LPCAT3: variants seen among roughly 807,000 people sequenced by gnomAD.
The protein encoded by LPCAT3 is lysophosphatidylcholine acyltransferase 3.
Under a neutral mutation model 63.4 loss-of-function variants are expected in LPCAT3, and 21 were observed. That is an observed-to-expected ratio of 0.33 (90% CI 0.23 to 0.48). LPCAT3 has a LOEUF of 0.48. LPCAT3 is among the 20% of genes least tolerant of loss of function. The pLI, the probability that LPCAT3 is intolerant of heterozygous loss-of-function variation, is 0.99. For synonymous variants in LPCAT3, 242 were observed against 227.5 expected (o/e 1.06, Z -0.58); for missense variants, 451 against 590.6 (o/e 0.76, Z 2.45).
intron 1 of LPCAT3, among the ~76,000 whole-genome samples, chr12:7,010,821 A>C (rs1218559097): frequency 6.6e-6 from 1 of 152,132 alleles, no homozygotes; most frequent in Non-Finnish European, 1.5e-5. Flanking sequence ...GTATAGATAA[A>C]AAGTGGTTGG....
At chr12:6,990,695 G>T (rs1189160174) in intron 1 of LPCAT3, among the ~76,000 whole-genome samples, 6 of 151,472 alleles carry the variant, frequency 4.0e-5, no homozygotes, top group Admixed American at 3.3e-4. Flanking sequence ...GGCCGAGGTG[G>T]GTGGATCACT....
chr12:6,980,963 G>C (rs1946464969), intron 6 of LPCAT3, 41 bp downstream of exon 6: 15 of 1,528,652 alleles, frequency 9.8e-6, no homozygotes, highest in Middle Eastern at 1.9e-4. Context: ...CAGAGTGAGT[G>C]AAATACCTAC....
In LPCAT3 at chr12:6,980,957, G is replaced by A. The variant is rs782337228; in HGVS notation, c.677+47C>T. ...CAGCTTTCAGAAGAGTCACTTCAGA[G>A]TGAGTGAAATACCTACACAAACATC... is the stretch of plus-strand genomic sequence containing the variant. On this transcript the variant is annotated intron_variant, in intron 6 of 12. Coordinates refer to ENST00000261407, the MANE Select transcript of LPCAT3 (RefSeq NM_005768.6). 10 of 1,506,468 alleles carry A rather than the reference G, an allele frequency of 6.6e-6. No individual in the cohort carries two copies. The South Asian group carries it at 1.2e-4, about 18-fold the overall frequency. The allele number at this position is 1,506,468 out of a possible 1,614,324, so 93.3% of individuals were successfully genotyped here.
chr12:7,014,549 C>T (rs1946785083), intron 1 of LPCAT3, among the ~76,000 whole-genome samples: 1 of 152,112 alleles, frequency 6.6e-6, no homozygotes, highest in African/African-American at 2.4e-5. Flanking sequence ...TGCAGCAGTC[C>T]ACATAAGCTT....
chr12:7,002,372 T>C (rs905178424), intron 1 of LPCAT3, among the ~76,000 whole-genome samples: 2 of 152,218 alleles, frequency 1.3e-5, no homozygotes, highest in African/African-American at 4.8e-5. Context: ...AGGTCCGTGC[T>C]CCTCTTCTAA....
rs1946542356 is a variant in LPCAT3, at chr12:6,987,649, T to C, written c.152-4110A>G. On this transcript the variant is annotated intron_variant, in intron 1 of 12. Coordinates refer to ENST00000261407, the MANE Select transcript of LPCAT3 (RefSeq NM_005768.6). The surrounding 1 kb of genome is among the most constrained non-coding windows in gnomAD (Gnocchi z 4.1). The stretch of plus-strand genomic sequence containing the variant: ...AGTAGATAATTATCTAGAGCACTCA[T>C]AAATAAGTTCTAGGTAGCTAAGTTT... The C allele has an allele frequency of 5.1e-6, 2 of 394,522 alleles. No individual in the cohort carries two copies. Among genetic ancestry groups the C allele is most frequent in the African/African-American group, 4.1e-5 (2 of 48,552 alleles). The allele number at this position is 394,522 out of a possible 1,614,324, so 24.4% of individuals were successfully genotyped here. A position where few individuals can be genotyped will look rare whatever the true frequency, so the allele number is the denominator to read the frequency against.
rs1555153456 is a variant in LPCAT3 at position 6,977,567 on chromosome 12, A to G, written c.1188+31T>C. ...AGCTCATCAGCATCTTGTCCCTTAT[A>G]TTCCCCTTCACCCCCACCCTGGAGG... On this transcript the variant is annotated intron_variant, in intron 10 of 12. Coordinates refer to ENST00000261407, the MANE Select transcript of LPCAT3 (RefSeq NM_005768.6). The surrounding 1 kb of genome is among the most constrained non-coding windows in gnomAD (Gnocchi z 4.5). The G allele has an allele frequency of 6.2e-7, 1 of 1,614,034 alleles. No individual in the cohort carries two copies. The highest frequency in any genetic ancestry group is 8.5e-7 in the Non-Finnish European group (1 of 1,179,998).
intron 1 of LPCAT3, among the ~76,000 whole-genome samples, chr12:7,003,621 A>G (rs1946704914): frequency 6.6e-6 from 1 of 152,162 alleles, no homozygotes; most frequent in South Asian, 2.1e-4. Context: ...TGTATCATGC[A>G]TAAGAATTAC....
At position 6,979,499 on chromosome 12, in the gene LPCAT3, T is replaced by G; in HGVS notation, c.758A>C (p.Glu253Ala). 1 of 1,613,804 alleles carries G rather than the reference T, an allele frequency of 6.2e-7. No homozygotes were observed. Among genetic ancestry groups the G allele is most frequent in the Non-Finnish European group, 8.5e-7 (1 of 1,179,696 alleles). The change falls in exon 7 of 13, where the codon GAA (glutamate) becomes GCA (alanine). Residue 253 changes from glutamate to alanine, a missense_variant. By Grantham distance (107) the Glu-to-Ala change is moderately radical (BLOSUM62 -1). Around this residue, in one of 3 missense-constraint regions of LPCAT3, gnomAD observed 304 missense variants for 390.8 expected, o/e 0.78. Coordinates refer to ENST00000261407, the MANE Select transcript of LPCAT3 (RefSeq NM_005768.6). ...GYTLLSPHIT[E>A]DYLLTEDYDN... ...ATAGTCTTCAGTGAGGAGATAGTCT[T>G]CTGTGATGTGGGGGCTGAGCAGTGT... is the stretch of plus-strand genomic sequence containing the variant.
At chr12:6,983,664 T>C in intron 1 of LPCAT3, 125 bp from the exon 2 acceptor site, 2 of 649,046 alleles carry the variant, frequency 3.1e-6, no homozygotes, top group South Asian at 3.6e-5. Context: ...ACATACATTA[T>C]ATGGATGGCA....
Position 7,018,166 on chromosome 12 carries a change from G to C in LPCAT3, c.151+108C>G. On this transcript the variant is annotated intron_variant, in intron 1 of 12. Coordinates refer to ENST00000261407, the MANE Select transcript of LPCAT3 (RefSeq NM_005768.6). This position sits in a 1 kb window ranked among gnomAD's most constrained non-coding sequence, Gnocchi z 4.9. Reference sequence around the variant, plus strand: ...GCTTCAGGATTCACACCCGCACCCGGCACAGCCCTCCCGGGTGGCTCCGGG... The same window carrying C: ...GCTTCAGGATTCACACCCGCACCCGCCACAGCCCTCCCGGGTGGCTCCGGG... 7.5e-7 allele frequency: 1 copy of C among 1,338,364 alleles called. No homozygotes were observed. The highest frequency in any genetic ancestry group is 1.0e-6 in the Non-Finnish European group (1 of 962,572). The allele number at this position is 1,338,364 out of a possible 1,614,324, so 82.9% of individuals were successfully genotyped here.
intron 1 of LPCAT3, among the ~76,000 whole-genome samples, chr12:6,990,976 TCAGTAAAAATATTAA>T: frequency 6.6e-6 from 1 of 150,896 alleles, no homozygotes; most frequent in Admixed American, 6.6e-5. Context: ...TATGATTAAT[TCAGTAAAAATATTAA>T]CAGTAAAACT....
Position 6,979,561 on chromosome 12 carries a change from C to A in LPCAT3, c.696G>T (p.Lys232Asn). The A allele has an allele frequency of 6.2e-7, 1 of 1,613,690 alleles. No homozygotes were observed. The highest frequency in any genetic ancestry group is 8.5e-7 in the Non-Finnish European group (1 of 1,179,628). The change falls in exon 7 of 13, where the codon AAG (lysine) becomes AAT (asparagine). Residue 232 changes from lysine (K) to asparagine (N), a missense_variant. Physicochemically the swap from Lys to Asn is moderately conservative, Grantham distance 94 (BLOSUM62 0). Coordinates refer to ENST00000261407, the MANE Select transcript of LPCAT3 (RefSeq NM_005768.6). ...GGTAGAAAAGGCCCAGACTCAGGCGCTTGAGAGCAGGAATGATGCTGGAAA... is the reference window on the plus strand; with the variant it reads ...GGTAGAAAAGGCCCAGACTCAGGCGATTGAGAGCAGGAATGATGCTGGAAA... ...KIPNSIIPALKRLSLGLFYLV... is the reference protein window; with the variant it reads ...KIPNSIIPALNRLSLGLFYLV...
chr12:6,978,576 G>A (rs1555153636), intron 8 of LPCAT3, 27 bp downstream of exon 8: 1 of 1,613,876 alleles, frequency 6.2e-7, no homozygotes, highest in East Asian at 2.2e-5. Flanking sequence ...TGTCTAAATA[G>A]GACCTTGTTT....
intron 1 of LPCAT3, among the ~76,000 whole-genome samples, chr12:7,010,841 A>G (rs1946758179): frequency 6.6e-6 from 1 of 152,092 alleles, no homozygotes. Flanking sequence ...GAAAAAATAT[A>G]TATATTTATT....
chr12:6,977,785 G>A lies in LPCAT3; in HGVS notation c.1041-40C>T, dbSNP rs1317816003. The A allele has an allele frequency of 1.9e-6, 3 of 1,611,726 alleles. No homozygotes were observed. Among genetic ancestry groups the A allele is most frequent in the African/African-American group, 2.7e-5 (2 of 74,898 alleles). ...GGGTGGGGCGACCCTCAAACTGACT[G>A]GTCCTTGCATCCCGCCACCTGCCTC... On this transcript the variant is annotated intron_variant, in intron 9 of 12. Transcript: ENST00000261407. The surrounding 1 kb of genome is among the most constrained non-coding windows in gnomAD (Gnocchi z 4.5).
chr12:6,988,940 A>G (rs905074100), intron 1 of LPCAT3, among the ~76,000 whole-genome samples: 2 of 152,094 alleles, frequency 1.3e-5, no homozygotes, highest in African/African-American at 4.8e-5. Flanking sequence ...TAGCCTCAAC[A>G]TGGAGAAACC....
chr12:7,000,409 C>T (rs1014135296), intron 1 of LPCAT3, among the ~76,000 whole-genome samples: 37 of 149,754 alleles, frequency 2.5e-4, no homozygotes, highest in Non-Finnish European at 5.3e-4. Flanking sequence ...AACACAGTGA[C>T]GCCCCGTCTC....
chr12:6,996,814 G>A (rs1555156071), intron 1 of LPCAT3, among the ~76,000 whole-genome samples: 1 of 152,204 alleles, frequency 6.6e-6, no homozygotes, highest in African/African-American at 2.4e-5. Context: ...CGACCACAGT[G>A]GTCGGGAGAA....
Sources: allele counts gnomAD v4.1 joint callset (sites outside exome capture counted in the v4.1 genomes callset), GRCh38; gene constraint gnomAD v4.1.1; regional missense constraint gnomAD v4.1.1; non-coding constraint Gnocchi (gnomAD v3.1); transcripts MANE v1.5; gene names NCBI Gene and HGNC (gene_info 2026-07-23, HGNC 2026-07-21).